The following WWC2 variants were observed in gnomAD, a reference collection of about 807,000 sequenced individuals.
WWC2 encodes protein WWC2.
Under a neutral mutation model 138.5 loss-of-function variants are expected in WWC2, and 101 were observed. That is an observed-to-expected ratio of 0.73 (90% CI 0.62 to 0.86). WWC2 has a LOEUF of 0.86. Among genes scored for constraint, WWC2 ranks in the 40% least tolerant of loss-of-function variants. WWC2 has a pLI of 0.00. For missense variants in WWC2, 1,420 were observed against 1,419.4 expected (o/e 1.00, Z -0.01); for synonymous variants, 558 against 538.4 (o/e 1.04, Z -0.50).
intron 2 of WWC2, among the ~76,000 whole-genome samples, chr4:183,206,021 G>A (rs1228991513): frequency 6.6e-6 from 1 of 152,038 alleles, no homozygotes; most frequent in African/African-American, 2.4e-5. Context: ...CACCTGTCAT[G>A]GCTTCCGTGA....
intron 1 of WWC2, among the ~76,000 whole-genome samples, chr4:183,107,011 TACC>T (rs1446165042): frequency 6.6e-6 from 1 of 152,216 alleles, no homozygotes; most frequent in Admixed American, 6.5e-5. Context: ...CTAGACTGTT[TACC>T]ACCATTTTAC....
At chr4:183,224,745 G>C (rs1736024353) in intron 4 of WWC2, among the ~76,000 whole-genome samples, 1 of 152,062 alleles carries the variant, frequency 6.6e-6, no homozygotes, top group Non-Finnish European at 1.5e-5. Flanking sequence ...ATGTTTAGTA[G>C]AGATGAGGTT....
chr4:183,209,995 G>A lies in WWC2; in HGVS notation c.522+970G>A, dbSNP rs941027241. On this transcript the variant is annotated intron_variant, in intron 4 of 22. Transcript: ENST00000403733. ...TTTGAACTTCCTAAGACTGGATACCGTATGTGTTAATTTGATGGCTCGCCT... is the reference window on the plus strand; with the variant it reads ...TTTGAACTTCCTAAGACTGGATACCATATGTGTTAATTTGATGGCTCGCCT... Among the ~76,000 whole-genome samples the A allele has an allele frequency of 2.6e-4, 40 of 152,228 alleles. 1 individual carries two copies. The highest frequency in any genetic ancestry group is 2.5e-3 in the South Asian group (12 of 4,814).
rs368454841 is a variant in WWC2, at chr4:183,199,568, G to T, written c.241+5860G>T. Among the ~76,000 whole-genome samples the T allele has an allele frequency of 1.4e-4, 21 of 152,142 alleles. 2 individuals are homozygous for T. In the South Asian group the frequency reaches 4.4e-3, roughly 32 times the overall value. ...CCAATAATTGTCTGTAGAAATTAACGAACAAATAATAAATGAATATAGCAG... is the reference window on the plus strand; with the variant it reads ...CCAATAATTGTCTGTAGAAATTAACTAACAAATAATAAATGAATATAGCAG... On this transcript the variant is annotated intron_variant, in intron 2 of 22. Coordinates refer to ENST00000403733, the MANE Select transcript of WWC2 (RefSeq NM_024949.6).
At chr4:183,315,488 C>T (rs1356087182) in intron 22 of WWC2, among the ~76,000 whole-genome samples, 175 bp from the exon 23 acceptor site, 3 of 152,178 alleles carry the variant, frequency 2.0e-5, no homozygotes, top group Non-Finnish European at 4.4e-5. Context: ...GATACCCCCC[C>T]TTTAAGCAGG....
intron 1 of WWC2, among the ~76,000 whole-genome samples, chr4:183,182,465 GC>G: frequency 1.3e-5 from 2 of 152,240 alleles, no homozygotes; most frequent in Middle Eastern, 6.8e-3. Flanking sequence ...TACCTTCTTT[GC>G]TGGCATAGCC....
At position 183,119,660 on chromosome 4, in the gene WWC2, C is replaced by CT. The variant is rs1291927330; in HGVS notation, c.131+20046dup. 9.9e-5 allele frequency among the ~76,000 whole-genome samples: 15 copies of CT among 152,004 alleles called. No homozygotes were observed. The South Asian group carries it at 2.1e-3, about 21-fold the overall frequency. On this transcript the variant is annotated intron_variant, in intron 1 of 22. Coordinates refer to ENST00000403733, the MANE Select transcript of WWC2 (RefSeq NM_024949.6). ...TTTAATTTTAAAAACTAAAAATGGA[C>CT]TTTTTTTTGGTTAAGATGTCAGTTT... is the stretch of plus-strand genomic sequence containing the variant.
At chr4:183,108,555 G>A (rs1732120801) in intron 1 of WWC2, among the ~76,000 whole-genome samples, 1 of 151,964 alleles carries the variant, frequency 6.6e-6, no homozygotes, top group African/African-American at 2.4e-5. Context: ...TCCTGGGCTG[G>A]AAAAAGGACA....
rs1286530194 is a variant in WWC2 at position 183,260,893 on chromosome 4, T to C, written c.1287-17T>C. 1 of 1,611,102 alleles carries C rather than the reference T, an allele frequency of 6.2e-7. No individual in the cohort carries two copies. Among genetic ancestry groups the C allele is most frequent in the African/African-American group, 1.3e-5 (1 of 74,826 alleles). ...ATTTTGTAACAGATTTTATGGTGTG[T>C]GCTTTTTGTCTTTCAGCCTCTCTGC... On this transcript the variant is annotated splice_polypyrimidine_tract_variant and intron_variant, in intron 10 of 22. Transcript: ENST00000403733.
chr4:183,286,506 A>T (rs1179189683), intron 20 of WWC2, among the ~76,000 whole-genome samples: 1 of 152,154 alleles, frequency 6.6e-6, no homozygotes, highest in Admixed American at 6.5e-5. Flanking sequence ...TATCTTTAGA[A>T]GGTTAAAACT....
intron 21 of WWC2, among the ~76,000 whole-genome samples, chr4:183,302,698 T>A (rs1454412934): frequency 2.0e-5 from 3 of 152,108 alleles, no homozygotes; most frequent in African/African-American, 7.2e-5. Context: ...TCCAAAAAAT[T>A]GACAGAAGCC....
intron 1 of WWC2, among the ~76,000 whole-genome samples, chr4:183,185,539 A>T (rs916478910): frequency 6.6e-6 from 1 of 152,122 alleles, no homozygotes; most frequent in Non-Finnish European, 1.5e-5. Flanking sequence ...CATGATGTAT[A>T]TTTTTCCTGT....
rs1307152780 is a variant in WWC2 at position 183,283,041 on chromosome 4, T to C, written c.2883+135T>C. 19 of 854,466 alleles carry C rather than the reference T, an allele frequency of 2.2e-5. No homozygotes were observed. In the East Asian group the frequency reaches 5.1e-4, roughly 23 times the overall value. The allele number at this position is 854,466 out of a possible 1,614,324, so 52.9% of individuals were successfully genotyped here. A position where few individuals can be genotyped will look rare whatever the true frequency, so the allele number is the denominator to read the frequency against. On this transcript the variant is annotated intron_variant, in intron 18 of 22. Coordinates refer to ENST00000403733, the MANE Select transcript of WWC2 (RefSeq NM_024949.6). ...CCAAAAGCTGATCGTGAAAGGCATA[T>C]GTGGGAATAGGCTCTAAGAAGCATC...
At chr4:183,099,727 G>T (rs899355681) in intron 1 of WWC2, 105 bp downstream of exon 1, 2 of 1,095,826 alleles carry the variant, frequency 1.8e-6, no homozygotes, top group African/African-American at 1.7e-5. Flanking sequence ...GCGGTGCCCC[G>T]AGGGGTCCCG....
Position 183,282,869 on chromosome 4 carries a change from A to G in WWC2, c.2846A>G (p.Asp949Gly). 1 of 1,590,522 alleles carries G rather than the reference A, an allele frequency of 6.3e-7. No homozygotes were observed. The highest frequency in any genetic ancestry group is 8.6e-7 in the Non-Finnish European group (1 of 1,168,038). The change falls in exon 18 of 23, where the codon GAC becomes GGC. Residue 949 changes from aspartate to glycine, a missense_variant. Transcript: ENST00000403733. ...GNRKESNCAK[D>G]LRSQPPTRIP... ...AGGAAAGAAAGCAACTGTGCCAAAG[A>G]CCTCAGAAGTCAGCCACCTACTAGA...
intron 21 of WWC2, among the ~76,000 whole-genome samples, chr4:183,292,463 C>T (rs1312740706): frequency 6.6e-6 from 1 of 152,028 alleles, no homozygotes; most frequent in African/African-American, 2.4e-5. Flanking sequence ...TATGATCACC[C>T]CACTGAACTT....
chr4:183,191,948 A>G (rs2111207377), intron 1 of WWC2, among the ~76,000 whole-genome samples: 1 of 151,688 alleles, frequency 6.6e-6, no homozygotes, highest in African/African-American at 2.4e-5. Flanking sequence ...CTGGTCTTGA[A>G]CTCCTGGTCT....
Position 183,280,866 on chromosome 4 carries a change from CAAG to C in WWC2, c.2658_2660del (p.Glu887del), listed in dbSNP as rs1173474790. 3.0e-5 allele frequency: 48 copies of C among 1,579,790 alleles called. No homozygotes were observed. The highest frequency in any genetic ancestry group is 4.0e-5 in the Non-Finnish European group (46 of 1,162,302). On this transcript the variant is annotated inframe_deletion, in exon 17 of 23. Coordinates refer to ENST00000403733, the MANE Select transcript of WWC2 (RefSeq NM_024949.6). Reference sequence around the variant, plus strand: ...ACAAGAAGAAGAAGAAGAATCAGGACAAGAAGAGCCAAGGGGCCCAGATGGAGA... The same window carrying C: ...ACAAGAAGAAGAAGAAGAATCAGGACAAGAGCCAAGGGGCCCAGATGGAGA...
intron 22 of WWC2, among the ~76,000 whole-genome samples, chr4:183,314,375 C>T (rs115188708): frequency 1.6e-3 from 250 of 152,312 alleles, no homozygotes; most frequent in Non-Finnish European, 2.8e-3. Context: ...AAAGAATCCA[C>T]GAACATTCCC....
Sources: allele counts gnomAD v4.1 joint callset (sites outside exome capture counted in the v4.1 genomes callset), GRCh38; gene constraint gnomAD v4.1.1; transcripts MANE v1.5; gene names NCBI Gene and HGNC (gene_info 2026-07-23, HGNC 2026-07-21).